The following PTPRO variants were observed in gnomAD, a reference collection of about 807,000 sequenced individuals.
The protein encoded by PTPRO is receptor-type tyrosine-protein phosphatase O.
A neutral mutation model predicts 145.2 loss-of-function variants in PTPRO; 62 were observed. The ratio of observed to expected loss-of-function variants is 0.43; its 90% CI spans 0.35 to 0.53. The LOEUF (loss-of-function observed/expected upper bound fraction) is 0.53, where lower values mean the gene tolerates loss of function less well. Ranked by LOEUF, PTPRO falls within the 20% of genes least tolerant of loss-of-function variation. PTPRO has a pLI of 0.01. For missense variants in PTPRO, 1,345 were observed against 1,482.7 expected, an observed-to-expected ratio of 0.91 and a Z score of 1.53; for synonymous variants, 565 against 514.7, an observed-to-expected ratio of 1.10 and a Z score of -1.32.
chr12:15,569,563 G>A, intron 19 of PTPRO, 65 bp downstream of exon 19: 1 of 1,408,598 alleles, frequency 7.1e-7, no homozygotes. Flanking sequence ...GGGGGTTTGT[G>A]TTGCGGTCAT....
At chr12:15,374,480 C>T (rs1441393946) in intron 1 of PTPRO, among the ~76,000 whole-genome samples, 3 of 152,114 alleles carry the variant, frequency 2.0e-5, no homozygotes, top group Non-Finnish European at 4.4e-5. Flanking sequence ...TAAACCCTTG[C>T]CCCTCTCCCC....
At chr12:15,414,269 T>C (rs1011663671) in intron 1 of PTPRO, among the ~76,000 whole-genome samples, 1 of 152,234 alleles carries the variant, frequency 6.6e-6, no homozygotes, top group East Asian at 1.9e-4. Context: ...CTTGTTAAAA[T>C]GCAGATTTCG....
At chr12:15,543,529 T>C (rs1462398872) in intron 12 of PTPRO, among the ~76,000 whole-genome samples, 1 of 152,228 alleles carries the variant, frequency 6.6e-6, no homozygotes, top group Admixed American at 6.5e-5. Flanking sequence ...TGGTCTTGCC[T>C]GGTGCTTGAA....
chr12:15,524,294 C>A (rs1435298749), intron 10 of PTPRO, among the ~76,000 whole-genome samples: 1 of 151,972 alleles, frequency 6.6e-6, no homozygotes, highest in Non-Finnish European at 1.5e-5. Context: ...TTATTTTATG[C>A]AAATAACATT....
chr12:15,579,617 T>C (rs1162443110), intron 20 of PTPRO, among the ~76,000 whole-genome samples: 3 of 152,248 alleles, frequency 2.0e-5, no homozygotes, highest in Non-Finnish European at 4.4e-5. Flanking sequence ...TTTAATTTAA[T>C]GTCCACCTAC....
At chr12:15,356,828 T>C (rs1328658801) in intron 1 of PTPRO, among the ~76,000 whole-genome samples, 1 of 152,192 alleles carries the variant, frequency 6.6e-6, no homozygotes, top group African/African-American at 2.4e-5. Flanking sequence ...TCTATAACTA[T>C]TTTTTAATCA....
intron 1 of PTPRO, among the ~76,000 whole-genome samples, chr12:15,455,213 A>C (rs1941144596): frequency 6.6e-6 from 1 of 151,938 alleles, no homozygotes; most frequent in South Asian, 2.1e-4. Context: ...CCATTATACC[A>C]CTTATACCTG....
intron 22 of PTPRO, 126 bp from the exon 23 acceptor site, chr12:15,581,553 T>A: frequency 9.0e-7 from 1 of 1,109,574 alleles, no homozygotes; most frequent in Non-Finnish European, 1.3e-6. Flanking sequence ...GTTTGCTTTA[T>A]GTTTCATCTT....
At chr12:15,478,947 A>G (rs1941719301) in intron 1 of PTPRO, among the ~76,000 whole-genome samples, 1 of 152,194 alleles carries the variant, frequency 6.6e-6, no homozygotes, top group South Asian at 2.1e-4. Context: ...GTGGGATTAC[A>G]GGCGTGAGCC....
At chr12:15,356,564 C>A (rs1226923927) in intron 1 of PTPRO, among the ~76,000 whole-genome samples, 3 of 152,130 alleles carry the variant, frequency 2.0e-5, no homozygotes, top group Non-Finnish European at 2.9e-5. Context: ...TGGAGCAGCA[C>A]TTCATTATTT....
At chr12:15,338,678 G>A (rs555894540) in intron 1 of PTPRO, among the ~76,000 whole-genome samples, 42 of 152,172 alleles carry the variant, frequency 2.8e-4, no homozygotes, top group Admixed American at 1.8e-3. Flanking sequence ...AATATTAATT[G>A]ATAAAGTAAT....
chr12:15,363,841 A>G (rs1166851099), intron 1 of PTPRO, among the ~76,000 whole-genome samples: 1 of 152,148 alleles, frequency 6.6e-6, no homozygotes, highest in Non-Finnish European at 1.5e-5. Flanking sequence ...CGCTGACATA[A>G]TCTTCCTTTT....
At chr12:15,557,320 G>A (rs556206004) in intron 15 of PTPRO, 135 bp from the exon 16 acceptor site, 40 of 819,394 alleles carry the variant, frequency 4.9e-5, no homozygotes, top group South Asian at 4.5e-4. Flanking sequence ...GTGAGCCACC[G>A]CACCTGGCCT....
chr12:15,479,338 T>C (rs253842), intron 1 of PTPRO, among the ~76,000 whole-genome samples: 3,011 of 152,228 alleles, frequency 0.02, 114 homozygotes, highest in East Asian at 0.14. Context: ...AGGGGAGAAT[T>C]GATAGCACCT....
chr12:15,355,165 C>A (rs186565105), intron 1 of PTPRO, among the ~76,000 whole-genome samples: 2 of 152,260 alleles, frequency 1.3e-5, no homozygotes, highest in Admixed American at 6.5e-5. Flanking sequence ...TGTGTCTTTG[C>A]AATGCTCTTA....
At chr12:15,487,431 C>A (rs1941912225) in intron 2 of PTPRO, among the ~76,000 whole-genome samples, 1 of 152,156 alleles carries the variant, frequency 6.6e-6, no homozygotes, top group East Asian at 1.9e-4. Context: ...GGATATTTTC[C>A]TGAGAACTAG....
intron 1 of PTPRO, among the ~76,000 whole-genome samples, chr12:15,409,097 T>C (rs2136309849): frequency 6.6e-6 from 1 of 152,196 alleles, no homozygotes; most frequent in East Asian, 1.9e-4. Flanking sequence ...TATTATTTTA[T>C]AGTAATAACT....
intron 18 of PTPRO, among the ~76,000 whole-genome samples, chr12:15,566,206 A>G (rs1009649180): frequency 2.0e-5 from 3 of 152,128 alleles, no homozygotes; most frequent in Non-Finnish European, 2.9e-5. Context: ...TTAGATTATC[A>G]CCTCCATGCC....
At chr12:15,473,330 C>T (rs1032182444) in intron 1 of PTPRO, among the ~76,000 whole-genome samples, 5 of 152,216 alleles carry the variant, frequency 3.3e-5, no homozygotes, top group Middle Eastern at 3.4e-3. Context: ...GCCTGTTGCC[C>T]GGTTGCCACT....
Sources: gnomAD v4.1 joint callset for allele counts (sites outside exome capture counted in the v4.1 genomes callset) on GRCh38, gnomAD v4.1.1 for gene constraint, MANE v1.5 for transcripts, NCBI Gene and HGNC (gene_info 2026-07-23, HGNC 2026-07-21) for gene names.